Variants in EPB41L4A observed in about 807,000 individuals in gnomAD.
EPB41L4A encodes erythrocyte membrane protein band 4.1 like 4A, also known as band 4.1-like protein 4A.
In EPB41L4A, 100 loss-of-function variants were observed where a neutral mutation model predicts 108.6. The observed-to-expected ratio is 0.92, with a 90% CI of 0.78 to 1.09. The LOEUF (loss-of-function observed/expected upper bound fraction) is 1.09. Ranked by LOEUF, EPB41L4A falls within the 50% of genes least tolerant of loss-of-function variation. EPB41L4A has a pLI of 0.00. For synonymous variants in EPB41L4A, 319 were observed against 289.0 expected, an observed-to-expected ratio of 1.10 and a Z score of -1.05; for missense variants, 1,030 against 842.7, an observed-to-expected ratio of 1.22 and a Z score of -2.75.
At chr5:112,330,719 G>C (rs1756507569) in intron 1 of EPB41L4A, among the ~76,000 whole-genome samples, 1 of 151,436 alleles carries the variant, frequency 6.6e-6, no homozygotes, top group Admixed American at 6.6e-5. Context: ...CCTGCCTCTA[G>C]TGTGCAGAGT....
intron 2 of EPB41L4A, among the ~76,000 whole-genome samples, chr5:112,291,198 TG>T (rs1753615605): frequency 6.6e-6 from 1 of 152,220 alleles, no homozygotes; most frequent in South Asian, 2.1e-4. Flanking sequence ...AAAAGCCTGC[TG>T]GGCCCTATGT....
intron 10 of EPB41L4A, 129 bp from the exon 11 acceptor site, chr5:112,239,866 G>C: frequency 4.0e-6 from 2 of 502,600 alleles, no homozygotes; most frequent in Non-Finnish European, 7.0e-6. Flanking sequence ...CCAACATCAT[G>C]CAATTCATAC....
intron 12 of EPB41L4A, among the ~76,000 whole-genome samples, chr5:112,221,586 T>A (rs1748052601): frequency 6.6e-6 from 1 of 152,216 alleles, no homozygotes; most frequent in Non-Finnish European, 1.5e-5. Flanking sequence ...TGGAATTTAG[T>A]AAGTGCTAAA....
chr5:112,225,341 C>CTA (rs1748377569), intron 12 of EPB41L4A, among the ~76,000 whole-genome samples: 1 of 152,164 alleles, frequency 6.6e-6, no homozygotes. Flanking sequence ...GTTGTGTCTG[C>CTA]TATAACACAG....
chr5:112,292,685 T>C (rs544765544), intron 2 of EPB41L4A, among the ~76,000 whole-genome samples: 2 of 152,306 alleles, frequency 1.3e-5, no homozygotes, highest in African/African-American at 4.8e-5. Context: ...ATTAGTAGGC[T>C]ACTGACACAT....
chr5:112,188,858 A>C (rs1761551449), intron 17 of EPB41L4A, among the ~76,000 whole-genome samples: 2 of 152,178 alleles, frequency 1.3e-5, no homozygotes, highest in Admixed American at 1.3e-4. Context: ...GTACAGGGAC[A>C]ATAAAGTTCT....
intron 1 of EPB41L4A, among the ~76,000 whole-genome samples, chr5:112,366,526 G>A (rs1580769288): frequency 6.6e-6 from 1 of 151,956 alleles, no homozygotes; most frequent in Admixed American, 6.6e-5. Flanking sequence ...AGAATCCAGG[G>A]AGACCAGTGA....
intron 15 of EPB41L4A, among the ~76,000 whole-genome samples, chr5:112,198,431 TATA>T (rs1179067024): frequency 1.3e-5 from 2 of 152,218 alleles, no homozygotes; most frequent in Non-Finnish European, 2.9e-5. Context: ...TTTGTTAATC[TATA>T]ATGTTTTGAA....
At chr5:112,143,756 A>G in exon 14 of EPB41L4A, 1 of 381,592 alleles carries the variant, frequency 2.6e-6, no homozygotes, top group Non-Finnish European at 5.4e-6. Flanking sequence ...CAAGGGCTCC[A>G]ATTGGCCCAG....
At chr5:112,181,944 G>C (rs1174234158) in intron 18 of EPB41L4A, among the ~76,000 whole-genome samples, 1 of 151,998 alleles carries the variant, frequency 6.6e-6, no homozygotes, top group Non-Finnish European at 1.5e-5. Context: ...GTTATGGCAG[G>C]TGCCTGTAAT....
intron 1 of EPB41L4A, among the ~76,000 whole-genome samples, chr5:112,337,942 C>G (rs1397237599): frequency 6.6e-6 from 1 of 152,084 alleles, no homozygotes; most frequent in African/African-American, 2.4e-5. Context: ...CAAGAAGGCA[C>G]TGGGCACATG....
intron 1 of EPB41L4A, among the ~76,000 whole-genome samples, chr5:112,312,278 A>G (rs1025870292): frequency 6.6e-6 from 1 of 152,194 alleles, no homozygotes; most frequent in Non-Finnish European, 1.5e-5. Flanking sequence ...TTCCAAAATG[A>G]TCATTCCCAA....
chr5:112,183,274 T>C (rs1355696327), intron 18 of EPB41L4A: 1 of 152,288 alleles, frequency 6.6e-6, no homozygotes, highest in Non-Finnish European at 1.5e-5. Context: ...CATACACGAC[T>C]GGACTTAATC....
chr5:112,337,128 A>G (rs887361679), intron 1 of EPB41L4A, among the ~76,000 whole-genome samples: 3 of 152,216 alleles, frequency 2.0e-5, no homozygotes, highest in Non-Finnish European at 4.4e-5. Context: ...TTCATCATTA[A>G]TACTGATAAT....
chr5:112,386,458 A>G (rs1760533133), intron 1 of EPB41L4A, among the ~76,000 whole-genome samples: 2 of 152,214 alleles, frequency 1.3e-5, no homozygotes, highest in East Asian at 3.8e-4. Flanking sequence ...AAATAATTCT[A>G]ATTTCCTCTA....
intron 18 of EPB41L4A, among the ~76,000 whole-genome samples, chr5:112,178,330 G>A (rs957353076): frequency 2.6e-5 from 4 of 151,886 alleles, no homozygotes; most frequent in Non-Finnish European, 4.4e-5. Flanking sequence ...AGAATTAAAG[G>A]AAAAAACAGA....
In EPB41L4A at chr5:112,176,743, C is replaced by CT. The variant is rs59150913; in HGVS notation, c.1623-5752dup. Reference sequence around the variant, plus strand: ...ATCTGCTTTTTACCCACCAGAGCAACTTTTTTTTTTTTTTTTTTTTTTTTT... The same window carrying CT: ...ATCTGCTTTTTACCCACCAGAGCAACTTTTTTTTTTTTTTTTTTTTTTTTTT... On this transcript the variant is annotated intron_variant, in intron 18 of 22. Transcript: ENST00000261486. Among the ~76,000 whole-genome samples, 555 of 65,910 alleles carry CT rather than the reference C, an allele frequency of 8.4e-3. 62 individuals are homozygous for CT. The highest frequency in any genetic ancestry group is 9.4e-3 in the Non-Finnish European group (351 of 37,242). 43.2% of individuals were successfully genotyped at this position (65,910 alleles called of 152,430 possible).
chr5:112,351,195 G>T (rs999050716), intron 1 of EPB41L4A, among the ~76,000 whole-genome samples: 1 of 152,046 alleles, frequency 6.6e-6, no homozygotes, highest in Admixed American at 6.6e-5. Flanking sequence ...ATGAGAAGTT[G>T]GTTTTTTAAA....
intron 1 of EPB41L4A, among the ~76,000 whole-genome samples, chr5:112,367,204 T>C (rs573110426): frequency 3.3e-5 from 5 of 152,330 alleles, no homozygotes; most frequent in South Asian, 2.1e-4. Flanking sequence ...TTTGCACCTG[T>C]AGTCACAGGC....
Sources: allele counts gnomAD v4.1 joint callset (sites outside exome capture counted in the v4.1 genomes callset), GRCh38; gene constraint gnomAD v4.1.1; transcripts MANE v1.5; gene names NCBI Gene and HGNC (gene_info 2026-07-23, HGNC 2026-07-21).